The following POLR3H variants were observed in gnomAD, a reference collection of about 807,000 sequenced individuals.
POLR3H encodes DNA-directed RNA polymerase III subunit RPC8.
In POLR3H, 17 loss-of-function variants were observed where a neutral mutation model predicts 25.5. The ratio of observed to expected loss-of-function variants is 0.67; its 90% CI spans 0.46 to 1.00. The LOEUF is 1.00. Among genes scored for constraint, POLR3H ranks in the 50% least tolerant of loss-of-function variants. The pLI is 0.00. For missense variants in POLR3H, 274 were observed against 265.0 expected (o/e 1.03, Z -0.24); for synonymous variants, 129 against 103.0 (o/e 1.25, Z -1.53).
Position 41,526,472 on chromosome 22 carries a change from G to A in POLR3H, c.*2811C>T, listed in dbSNP as rs748694198. 1.2e-6 allele frequency: 2 copies of A among 1,603,208 alleles called. No individual in the cohort carries two copies. The highest frequency in any genetic ancestry group is 1.1e-5 in the South Asian group (1 of 90,230). ...CTACAAGGTGGGTCAGAGTTGATAGGGGCAATGCCAGTGGTCACTCCTGAA... is the reference window on the plus strand; with the variant it reads ...CTACAAGGTGGGTCAGAGTTGATAGAGGCAATGCCAGTGGTCACTCCTGAA... On this transcript the variant is annotated 3_prime_UTR_variant, in exon 6 of 6. Coordinates refer to ENST00000355209, the MANE Select transcript of POLR3H (RefSeq NM_001018050.4).
chr22:41,529,673 C>T (rs756999979), intron 5 of POLR3H: 5 of 625,868 alleles, frequency 8.0e-6, no homozygotes, highest in South Asian at 4.2e-5. Context: ...CAACAGGGAG[C>T]AGCCTTGAAA....
chr22:41,537,056 C>T (rs1018492155), intron 2 of POLR3H, among the ~76,000 whole-genome samples: 2 of 152,032 alleles, frequency 1.3e-5, no homozygotes, highest in African/African-American at 4.8e-5. Context: ...CAGTATGGGG[C>T]AGGCGGGGGC....
intron 2 of POLR3H, among the ~76,000 whole-genome samples, chr22:41,538,489 A>C (rs1285706995): frequency 6.6e-6 from 1 of 151,916 alleles, no homozygotes; most frequent in East Asian, 1.9e-4. Flanking sequence ...AGAACTCCTG[A>C]CCTCAGGTGA....
In POLR3H at chr22:41,526,685, A is replaced by C; in HGVS notation, c.*2598T>G. 1 of 483,452 alleles carries C rather than the reference A, an allele frequency of 2.1e-6. No homozygotes were observed. Among genetic ancestry groups the C allele is most frequent in the Non-Finnish European group, 3.7e-6 (1 of 271,546 alleles). The allele number at this position is 483,452 out of a possible 1,614,324, so 29.9% of individuals were successfully genotyped here. ...CTGCACCAGGAGGAGTTAGTGAGAGATATCTTAGGATATCTGGCCCTAGAC... is the reference window on the plus strand; with the variant it reads ...CTGCACCAGGAGGAGTTAGTGAGAGCTATCTTAGGATATCTGGCCCTAGAC... On this transcript the variant is annotated 3_prime_UTR_variant, in exon 6 of 6. Transcript: ENST00000355209.
intron 2 of POLR3H, chr22:41,540,269 G>A (rs1441614981): frequency 3.9e-5 from 13 of 329,654 alleles, no homozygotes; most frequent in Non-Finnish European, 5.3e-5. Context: ...CAGTAGCAAT[G>A]AGACCAAAAG....
At chr22:41,534,978 C>G (rs1015360978) in intron 2 of POLR3H, among the ~76,000 whole-genome samples, 44 of 152,052 alleles carry the variant, frequency 2.9e-4, no homozygotes, top group African/African-American at 1.0e-3. Context: ...GGAGGGGGCC[C>G]TCTCCTGCCC....
In POLR3H at chr22:41,528,748, C is replaced by A; in HGVS notation, c.*535G>T. On this transcript the variant is annotated 3_prime_UTR_variant, in exon 6 of 6. Coordinates refer to ENST00000355209, the MANE Select transcript of POLR3H (RefSeq NM_001018050.4). ...ACATGCTTCCTGCTCCCCGCTTAGC[C>A]CACGGAGTGACTGTGGTTGTGGTGG... 7.8e-7 allele frequency: 1 copy of A among 1,285,640 alleles called. No individual in the cohort carries two copies. The highest frequency in any genetic ancestry group is 1.0e-6 in the Non-Finnish European group (1 of 958,248). The allele number at this position is 1,285,640 out of a possible 1,614,324, so 79.6% of individuals were successfully genotyped here. A position where few individuals can be genotyped will look rare whatever the true frequency, so the allele number is the denominator to read the frequency against.
chr22:41,535,841 T>C (rs2066832171), intron 2 of POLR3H, among the ~76,000 whole-genome samples: 1 of 152,172 alleles, frequency 6.6e-6, no homozygotes, highest in Middle Eastern at 3.4e-3. Context: ...AGCATGGTGG[T>C]GCATGCCTGT....
Position 41,540,696 on chromosome 22 carries a change from C to T in POLR3H, c.208+3G>A. 1 of 1,610,712 alleles carries T rather than the reference C, an allele frequency of 6.2e-7. No homozygotes were observed. Among genetic ancestry groups the T allele is most frequent in the South Asian group, 1.1e-5 (1 of 91,008 alleles). The stretch of plus-strand genomic sequence containing the variant: ...CAATGCCCCAGGGACAGAAGATACC[C>T]ACCTTTGGTGTGTGATGCGCCATCC... On this transcript the variant is annotated splice_donor_region_variant and intron_variant, in intron 2 of 5. Coordinates refer to ENST00000355209, the MANE Select transcript of POLR3H (RefSeq NM_001018050.4).
At chr22:41,542,149 T>C (rs965357010) in intron 1 of POLR3H, among the ~76,000 whole-genome samples, 20 of 152,152 alleles carry the variant, frequency 1.3e-4, no homozygotes, top group African/African-American at 4.8e-4. Flanking sequence ...AGTGGTGCGA[T>C]TTCAGCTCAC....
upstream of POLR3H, chr22:41,544,473 G>C (rs1374206039): frequency 1.8e-5 from 3 of 163,730 alleles, no homozygotes; most frequent in Middle Eastern, 2.7e-3. Flanking sequence ...GCGCGACTGC[G>C]GGCGAGATTC....
intron 5 of POLR3H, among the ~76,000 whole-genome samples, chr22:41,529,917 G>A (rs1002946269): frequency 4.4e-4 from 67 of 151,884 alleles, no homozygotes; most frequent in African/African-American, 1.6e-3. Context: ...CACCACACCC[G>A]GCTAATTTTT....
At position 41,528,432 on chromosome 22, in the gene POLR3H, G is replaced by T; in HGVS notation, c.*851C>A. On this transcript the variant is annotated 3_prime_UTR_variant, in exon 6 of 6. Coordinates refer to ENST00000355209, the MANE Select transcript of POLR3H (RefSeq NM_001018050.4). ...CCCTGACCCCCCTGCGGGGCCAAGG[G>T]CACACAGTACCCACCACTTCCACCC... 6.2e-7 allele frequency: 1 copy of T among 1,600,296 alleles called. No individual in the cohort carries two copies.
intron 2 of POLR3H, among the ~76,000 whole-genome samples, chr22:41,534,380 A>T (rs996311698): frequency 9.9e-5 from 15 of 152,236 alleles, no homozygotes; most frequent in African/African-American, 3.6e-4. Context: ...TCTGACATGC[A>T]CTACAGTGTG....
intron 2 of POLR3H, chr22:41,533,403 T>C: frequency 5.3e-6 from 4 of 748,338 alleles, no homozygotes; most frequent in Non-Finnish European, 1.8e-6. Context: ...AGCACGCGGC[T>C]GCCCCCTGCT....
At chr22:41,531,475 G>C (rs1312191836) in intron 4 of POLR3H, among the ~76,000 whole-genome samples, 2 of 152,230 alleles carry the variant, frequency 1.3e-5, no homozygotes, top group African/African-American at 4.8e-5. Flanking sequence ...AGCCCACACA[G>C]GGGAGCCATG....
At position 41,528,724 on chromosome 22, in the gene POLR3H, C is replaced by T. The variant is rs1339775774; in HGVS notation, c.*559G>A. 3.5e-6 allele frequency: 5 copies of T among 1,434,566 alleles called. No homozygotes were observed. In the Admixed American group the frequency reaches 1.1e-4, roughly 32 times the overall value. The allele number at this position is 1,434,566 out of a possible 1,614,324, so 88.9% of individuals were successfully genotyped here. A position where few individuals can be genotyped will look rare whatever the true frequency, so the allele number is the denominator to read the frequency against. ...CCTATTCCAAGATGGTGTGACCAGA[C>T]ATGCTTCCTGCTCCCCGCTTAGCCC... is the stretch of plus-strand genomic sequence containing the variant. On this transcript the variant is annotated 3_prime_UTR_variant, in exon 6 of 6. Transcript: ENST00000355209.
chr22:41,532,789 A>G, intron 2 of POLR3H, 44 bp from the exon 3 acceptor site: 1 of 1,598,894 alleles, frequency 6.3e-7, no homozygotes, highest in Non-Finnish European at 8.5e-7. Context: ...CCGGGGCCCC[A>G]GTGCGCTCCC....
chr22:41,526,121 A>C lies in POLR3H; in HGVS notation c.*3162T>G. On this transcript the variant is annotated 3_prime_UTR_variant, in exon 6 of 6. Coordinates refer to ENST00000355209, the MANE Select transcript of POLR3H (RefSeq NM_001018050.4). ...GGTGGAAGCACCAGGACCACAGAAC[A>C]CGTGTCTGAAGACTTGCCTGCCTCT... 1.5e-6 allele frequency: 1 copy of C among 681,398 alleles called. No individual in the cohort carries two copies. The highest frequency in any genetic ancestry group is 2.5e-6 in the Non-Finnish European group (1 of 403,910). 42.2% of individuals were successfully genotyped at this position (681,398 alleles called of 1,614,324 possible).
Sources: allele counts gnomAD v4.1 joint callset (sites outside exome capture counted in the v4.1 genomes callset), GRCh38; gene constraint gnomAD v4.1.1; transcripts MANE v1.5; gene names NCBI Gene and HGNC (gene_info 2026-07-23, HGNC 2026-07-21).